Variants in NRXN1 observed in about 807,000 individuals in gnomAD.
NRXN1 encodes the protein neurexin-1.
Under a neutral mutation model 150.9 loss-of-function variants are expected in NRXN1, and 39 were observed. The observed-to-expected ratio is 0.26, with a 90% CI of 0.20 to 0.34. The LOEUF (loss-of-function observed/expected upper bound fraction) is 0.34. NRXN1 is among the 10% of genes least tolerant of loss of function. The probability of loss-of-function intolerance (pLI) is 1.00; values close to 1 mark genes in which losing one functional copy is unlikely to be tolerated. For missense variants in NRXN1, 1,815 were observed against 1,949.9 expected (o/e 0.93, Z 1.30); for synonymous variants, 924 against 757.0 (o/e 1.22, Z -3.62).
chr2:50,818,772 A>G (rs1669289115), intron 5 of NRXN1, among the ~76,000 whole-genome samples: 1 of 152,164 alleles, frequency 6.6e-6, no homozygotes, highest in African/African-American at 2.4e-5. Flanking sequence ...CATATATCTT[A>G]TAAGAAATCA....
intron 17 of NRXN1, among the ~76,000 whole-genome samples, chr2:50,329,578 A>AGTGTGTGTGTGTGT (rs55865684): frequency 1.1e-3 from 36 of 33,986 alleles, no homozygotes; most frequent in East Asian, 6.2e-3. Flanking sequence ...ATATAACAGT[A>AGTGTGTGTGTGTGT]GTGTGTGTGT....
At chr2:50,957,278 C>G (rs904888891) in intron 2 of NRXN1, among the ~76,000 whole-genome samples, 19 of 152,118 alleles carry the variant, frequency 1.2e-4, no homozygotes, top group African/African-American at 4.3e-4. Flanking sequence ...TGTCCTTGAG[C>G]AAGTTATTTA....
intron 5 of NRXN1, among the ~76,000 whole-genome samples, chr2:50,705,198 C>T (rs1694268571): frequency 6.6e-6 from 1 of 151,742 alleles, no homozygotes; most frequent in African/African-American, 2.4e-5. Flanking sequence ...TAAGAGGAAA[C>T]CATACAAAGA....
Position 49,961,542 on chromosome 2 carries a change from C to T in NRXN1, c.4129-17751G>A, listed in dbSNP as rs560922295. On this transcript the variant is annotated intron_variant, in intron 21 of 22. Transcript: ENST00000401669. ...AAAAAGAAAAACAACCCAGAAAACA[C>T]AACAATCAGCAGTTTCAAGCCCTAA... 3.3e-5 allele frequency among the ~76,000 whole-genome samples: 5 copies of T among 152,102 alleles called. No individual in the cohort carries two copies. The South Asian group carries it at 1.0e-3, about 32-fold the overall frequency.
intron 18 of NRXN1, among the ~76,000 whole-genome samples, chr2:50,211,956 G>A (rs74464401): frequency 0.12 from 18,153 of 151,358 alleles, 1,343 homozygotes; most frequent in African/African-American, 0.2. Context: ...CATTTCCTTT[G>A]GCTCATTCAT....
intron 16 of NRXN1, among the ~76,000 whole-genome samples, chr2:50,467,633 A>G (rs905779841): frequency 3.3e-5 from 5 of 151,578 alleles, no homozygotes; most frequent in Admixed American, 2.0e-4. Context: ...AGAAACCATG[A>G]TATTGTAAAT....
chr2:50,520,263 T>C (rs1414522482), intron 12 of NRXN1, among the ~76,000 whole-genome samples: 1 of 152,068 alleles, frequency 6.6e-6, no homozygotes, highest in East Asian at 1.9e-4. Context: ...TCATTCTATT[T>C]TGAGAGTCAA....
At chr2:50,562,514 A>G (rs1347209012) in intron 8 of NRXN1, among the ~76,000 whole-genome samples, 1 of 152,066 alleles carries the variant, frequency 6.6e-6, no homozygotes, top group African/African-American at 2.4e-5. Context: ...TCCAAGAGAG[A>G]TGGGATAACC....
intron 2 of NRXN1, chr2:51,026,284 C>T: frequency 2.4e-6 from 2 of 824,720 alleles, no homozygotes; most frequent in Non-Finnish European, 2.0e-6. Context: ...GTGTTGATTG[C>T]CTTGCTTTGA....
intron 17 of NRXN1, among the ~76,000 whole-genome samples, chr2:50,278,453 T>C (rs527563092): frequency 6.7e-6 from 1 of 149,902 alleles, no homozygotes; most frequent in South Asian, 2.1e-4. Context: ...TGCCTGGCCA[T>C]TGATCATAGA....
At chr2:50,161,828 G>A (rs1314862108) in intron 18 of NRXN1, among the ~76,000 whole-genome samples, 2 of 152,032 alleles carry the variant, frequency 1.3e-5, no homozygotes, top group African/African-American at 2.4e-5. Context: ...TAAAATTTGT[G>A]GGAGGAATGA....
intron 18 of NRXN1, among the ~76,000 whole-genome samples, chr2:50,230,495 T>G (rs557777025): frequency 2.6e-5 from 4 of 152,062 alleles, no homozygotes; most frequent in African/African-American, 9.6e-5. Flanking sequence ...GATTAGCAAA[T>G]TAACCTGCCA....
Position 50,538,652 on chromosome 2 carries a change from G to C in NRXN1, c.1760-16C>G. On this transcript the variant is annotated splice_polypyrimidine_tract_variant and intron_variant, in intron 9 of 22. Coordinates refer to ENST00000401669, the MANE Select transcript of NRXN1 (RefSeq NM_001330078.2). The stretch of plus-strand genomic sequence containing the variant: ...GAAATGGTACCTATTTCAAAGAGAG[G>C]AGAATGCACAGGTCTTTAAAAAGCA... The C allele has an allele frequency of 1.4e-6, 2 of 1,463,778 alleles. No homozygotes were observed. Among genetic ancestry groups the C allele is most frequent in the Admixed American group, 2.4e-5 (1 of 41,916 alleles). The allele number at this position is 1,463,778 out of a possible 1,614,324, so 90.7% of individuals were successfully genotyped here. A position where few individuals can be genotyped will look rare whatever the true frequency, so the allele number is the denominator to read the frequency against.
intron 21 of NRXN1, among the ~76,000 whole-genome samples, chr2:49,990,815 T>G (rs1277070905): frequency 3.9e-5 from 6 of 152,314 alleles, no homozygotes; most frequent in East Asian, 3.9e-4. Flanking sequence ...GTAGCTAATG[T>G]TGGCACTATT....
At chr2:50,069,025 C>T (rs973340147) in intron 19 of NRXN1, among the ~76,000 whole-genome samples, 4 of 152,098 alleles carry the variant, frequency 2.6e-5, no homozygotes, top group Non-Finnish European at 4.4e-5. Context: ...GAAGAAACCA[C>T]ACAAAAAGAA....
chr2:50,493,164 T>G (rs1388482280), intron 15 of NRXN1, among the ~76,000 whole-genome samples: 1 of 152,224 alleles, frequency 6.6e-6, no homozygotes, highest in East Asian at 1.9e-4. Flanking sequence ...AGGTCAACTT[T>G]CATTTTTCCT....
chr2:51,025,493 A>AC (rs947610536), intron 2 of NRXN1, among the ~76,000 whole-genome samples: 4 of 152,106 alleles, frequency 2.6e-5, no homozygotes, highest in African/African-American at 9.6e-5. Flanking sequence ...CATTTAAAAC[A>AC]CCCTCCCACA....
intron 5 of NRXN1, among the ~76,000 whole-genome samples, chr2:50,833,035 G>A (rs1332295936): frequency 1.3e-5 from 2 of 152,202 alleles, no homozygotes; most frequent in East Asian, 3.9e-4. Flanking sequence ...TCACCAAACA[G>A]GCTATATGGG....
chr2:50,370,983 C>T (rs927473635), intron 17 of NRXN1, among the ~76,000 whole-genome samples: 3 of 151,834 alleles, frequency 2.0e-5, no homozygotes, highest in East Asian at 1.9e-4. Flanking sequence ...AAGGAACTGC[C>T]GGTACCTATT....
Sources: gnomAD v4.1 joint callset for allele counts (sites outside exome capture counted in the v4.1 genomes callset) on GRCh38, gnomAD v4.1.1 for gene constraint, MANE v1.5 for transcripts, NCBI Gene and HGNC (gene_info 2026-07-23, HGNC 2026-07-21) for gene names.